Variants in FGF14 observed in about 807,000 individuals in gnomAD.
FGF14 encodes the protein fibroblast growth factor 14, also known as fibroblast growth factor homologous factor 4.
In FGF14, 5 loss-of-function variants were observed where a neutral mutation model predicts 25.5. The ratio of observed to expected loss-of-function variants is 0.20; its 90% CI spans 0.10 to 0.41. The LOEUF is 0.41. FGF14 is among the 10% of genes least tolerant of loss of function. The pLI, the probability that FGF14 is intolerant of heterozygous loss-of-function variation, is 1.00. For missense variants in FGF14, 222 were observed against 320.1 expected (o/e 0.69, Z 2.34); for synonymous variants, 138 against 118.3 (o/e 1.17, Z -1.08).
intron 3 of FGF14, among the ~76,000 whole-genome samples, chr13:101,765,493 G>C (rs546805443): frequency 6.6e-6 from 1 of 152,146 alleles, no homozygotes; most frequent in Non-Finnish European, 1.5e-5. Context: ...AGAAGACAAT[G>C]ATGGCCTCCA....
intron 3 of FGF14, among the ~76,000 whole-genome samples, chr13:101,727,678 G>A (rs953673036): frequency 2.0e-5 from 3 of 151,978 alleles, no homozygotes; most frequent in African/African-American, 4.8e-5. Flanking sequence ...ATAATCCCAT[G>A]CCAAATAAAT....
At chr13:101,946,698 C>A (rs1165228570) in intron 1 of FGF14, among the ~76,000 whole-genome samples, 63 of 152,324 alleles carry the variant, frequency 4.1e-4, no homozygotes, top group African/African-American at 1.4e-3. Context: ...TTGTCTCTCA[C>A]AGGGACTACT....
intron 1 of FGF14, among the ~76,000 whole-genome samples, chr13:101,925,961 C>A (rs910931993): frequency 2.0e-5 from 3 of 152,188 alleles, no homozygotes; most frequent in African/African-American, 7.2e-5. Flanking sequence ...TGTCTTGCAT[C>A]TTGCTTCCAT....
chr13:101,812,637 AT>A (rs2041606602), intron 3 of FGF14, among the ~76,000 whole-genome samples: 1 of 11,768 alleles, frequency 8.5e-5, no homozygotes, highest in African/African-American at 2.7e-4. Flanking sequence ...ATATATATAT[AT>A]ATATATATAT....
chr13:101,759,597 A>G (rs760465938), intron 3 of FGF14, among the ~76,000 whole-genome samples: 12 of 152,166 alleles, frequency 7.9e-5, no homozygotes, highest in Admixed American at 2.6e-4. Flanking sequence ...ACATCATTCA[A>G]TGAATAACTG....
chr13:102,275,978 T>C (rs1218808487), intron 1 of FGF14, among the ~76,000 whole-genome samples: 1 of 152,082 alleles, frequency 6.6e-6, no homozygotes, highest in Non-Finnish European at 1.5e-5. Flanking sequence ...GCTTCCTTCA[T>C]ACCTACTTCT....
intron 1 of FGF14, among the ~76,000 whole-genome samples, chr13:102,014,670 C>T (rs1310540085): frequency 6.6e-6 from 1 of 152,128 alleles, no homozygotes. Context: ...TATTCAAAAA[C>T]ACAAGTCTTC....
chr13:102,257,031 A>G (rs1201325668), intron 1 of FGF14, among the ~76,000 whole-genome samples: 1 of 152,170 alleles, frequency 6.6e-6, no homozygotes, highest in Non-Finnish European at 1.5e-5. Context: ...TTGATCTGGT[A>G]TATAAGGAAA....
At chr13:102,026,788 C>G (rs1595039932) in intron 1 of FGF14, among the ~76,000 whole-genome samples, 1 of 151,926 alleles carries the variant, frequency 6.6e-6, no homozygotes, top group Non-Finnish European at 1.5e-5. Context: ...TTTTCTTACT[C>G]TGAGTCATTA....
chr13:101,773,875 A>G (rs1345466342), intron 3 of FGF14, among the ~76,000 whole-genome samples: 2 of 148,052 alleles, frequency 1.4e-5, no homozygotes. Flanking sequence ...CTAGATCATA[A>G]GAGCTAGAAG....
chr13:102,278,133 C>T (rs1172448778), intron 1 of FGF14, among the ~76,000 whole-genome samples: 2 of 152,156 alleles, frequency 1.3e-5, no homozygotes, highest in Admixed American at 6.5e-5. Flanking sequence ...TGAAATAACA[C>T]AAAATGTAGC....
intron 1 of FGF14, among the ~76,000 whole-genome samples, chr13:102,083,067 C>A (rs916864292): frequency 3.3e-4 from 50 of 152,324 alleles, no homozygotes; most frequent in African/African-American, 1.2e-3. Context: ...CACAACCATC[C>A]GTCTAACAAA....
intron 3 of FGF14, among the ~76,000 whole-genome samples, chr13:101,822,387 T>C (rs2181506): frequency 0.61 from 92,288 of 151,842 alleles, 28,234 homozygotes; most frequent in South Asian, 0.7. Flanking sequence ...ATTGTGACAT[T>C]GGCTCTTAGT....
intron 1 of FGF14, among the ~76,000 whole-genome samples, chr13:102,123,503 A>C (rs960242459): frequency 6.6e-6 from 1 of 152,170 alleles, no homozygotes; most frequent in Non-Finnish European, 1.5e-5. Context: ...AACACCCAGA[A>C]TATCAAGGGG....
At chr13:102,328,351 A>G (rs1013504363) in intron 1 of FGF14, among the ~76,000 whole-genome samples, 3 of 152,220 alleles carry the variant, frequency 2.0e-5, no homozygotes, top group Non-Finnish European at 4.4e-5. Context: ...TGGCTATAAA[A>G]TTCTGTGAGT....
At chr13:101,758,700 T>A (rs1320890404) in intron 3 of FGF14, among the ~76,000 whole-genome samples, 1 of 152,110 alleles carries the variant, frequency 6.6e-6, no homozygotes, top group Non-Finnish European at 1.5e-5. Flanking sequence ...TGGCAACAAA[T>A]CGAAAAAGTC....
intron 1 of FGF14, among the ~76,000 whole-genome samples, chr13:101,954,005 T>G (rs1376779775): frequency 1.3e-5 from 2 of 152,196 alleles, no homozygotes; most frequent in East Asian, 3.8e-4. Flanking sequence ...AACTAGAGAT[T>G]GCTTGAACAT....
chr13:101,987,829 T>C (rs138227233), intron 1 of FGF14, among the ~76,000 whole-genome samples: 93 of 152,190 alleles, frequency 6.1e-4, no homozygotes, highest in East Asian at 2.9e-3. Flanking sequence ...ACCTGAGTCA[T>C]TGATCAATGA....
intron 1 of FGF14, among the ~76,000 whole-genome samples, chr13:101,981,552 A>T (rs1366617345): frequency 2.0e-5 from 3 of 152,218 alleles, no homozygotes; most frequent in Non-Finnish European, 4.4e-5. Flanking sequence ...GGGCCTAACC[A>T]ACATACTAGT....
Sources: allele counts gnomAD v4.1 joint callset (sites outside exome capture counted in the v4.1 genomes callset), GRCh38; gene constraint gnomAD v4.1.1; transcripts MANE v1.5; gene names NCBI Gene and HGNC (gene_info 2026-07-23, HGNC 2026-07-21).